Variants in TRPC5 observed in about 807,000 individuals in gnomAD.
TRPC5 encodes the protein short transient receptor potential channel 5.
In TRPC5, 9 loss-of-function variants were observed where a neutral mutation model predicts 56.5. The ratio of observed to expected loss-of-function variants is 0.16; its 90% CI spans 0.10 to 0.28. TRPC5 has a LOEUF of 0.28. Ranked by LOEUF, TRPC5 falls within the 10% of genes least tolerant of loss-of-function variation. The pLI, the probability that TRPC5 is intolerant of heterozygous loss-of-function variation, is 1.00. For synonymous variants in TRPC5, 282 were observed against 278.5 expected (o/e 1.01, Z -0.13); for missense variants, 469 against 748.9 (o/e 0.63, Z 4.36).
chrX:111,806,310 C>T (rs1000625997), intron 7 of TRPC5, among the ~76,000 whole-genome samples: 2 of 112,309 alleles, frequency 1.8e-5, no homozygotes, highest in African/African-American at 3.2e-5. Flanking sequence ...GGCTCAAGAT[C>T]TCTTACAAGG....
chrX:112,073,921 T>A (rs897936935), intron 1 of TRPC5, among the ~76,000 whole-genome samples: 1 of 111,979 alleles, frequency 8.9e-6, no homozygotes, highest in Non-Finnish European at 1.9e-5. Flanking sequence ...TTATTGTTTC[T>A]TTACAGTGTA....
rs763810389 is a variant in TRPC5 at position 111,792,427 on chromosome X, C to T, written c.1897-10289G>A. ...CCATGGCACATGTTTACCTATGTAACAAACCTGCACATTCTGTGCATGTAT... is the reference window on the plus strand; with the variant it reads ...CCATGGCACATGTTTACCTATGTAATAAACCTGCACATTCTGTGCATGTAT... On this transcript the variant is annotated intron_variant, in intron 7 of 10. Coordinates refer to ENST00000262839, the MANE Select transcript of TRPC5 (RefSeq NM_012471.3). 1.8e-4 allele frequency among the ~76,000 whole-genome samples: 20 copies of T among 111,554 alleles called. No homozygotes were observed. In the East Asian group the frequency reaches 5.7e-3, roughly 32 times the overall value.
At chrX:111,792,251 G>C (rs1219025881) in intron 7 of TRPC5, among the ~76,000 whole-genome samples, 1 of 110,622 alleles carries the variant, frequency 9.0e-6, no homozygotes, top group African/African-American at 3.3e-5. Context: ...AGTGGGAGTT[G>C]AACAATGAGA....
chrX:111,980,314 A>G (rs1199098486), intron 1 of TRPC5, among the ~76,000 whole-genome samples: 2 of 111,439 alleles, frequency 1.8e-5, no homozygotes, highest in Non-Finnish European at 3.8e-5. Context: ...TTGCCTGTGG[A>G]TGATGGGGAT....
intron 1 of TRPC5, among the ~76,000 whole-genome samples, chrX:112,005,702 G>A (rs1342289587): frequency 2.7e-5 from 3 of 111,048 alleles, no homozygotes; most frequent in Non-Finnish European, 5.7e-5. Flanking sequence ...CACAGCTGGG[G>A]TGTGGCAAAG....
chrX:112,052,982 A>G (rs1698375260), intron 1 of TRPC5, among the ~76,000 whole-genome samples: 1 of 111,931 alleles, frequency 8.9e-6, no homozygotes, highest in African/African-American at 3.3e-5. Flanking sequence ...TTTGTGTGCC[A>G]GGAAAACTTT....
rs1945964468 is a variant in TRPC5, at chrX:111,786,303, T to A, written c.1897-4165A>T. ...AGAATTTTCAACCCAGAATTTCATATCCACCCAAACTAAGCTTCATAAGTG... is the reference window on the plus strand; with the variant it reads ...AGAATTTTCAACCCAGAATTTCATAACCACCCAAACTAAGCTTCATAAGTG... On this transcript the variant is annotated intron_variant, in intron 7 of 10. Transcript: ENST00000262839. Among the ~76,000 whole-genome samples, 3 of 111,192 alleles carry A rather than the reference T, an allele frequency of 2.7e-5. No individual in the cohort carries two copies. In the South Asian group the frequency reaches 1.1e-3, roughly 42 times the overall value.
chrX:111,861,780 G>T (rs1801501122), intron 3 of TRPC5, among the ~76,000 whole-genome samples: 1 of 111,388 alleles, frequency 9.0e-6, no homozygotes, highest in Non-Finnish European at 1.9e-5. Flanking sequence ...GTTTAGTTGA[G>T]CAATACTCTT....
At chrX:111,985,020 C>T (rs1471942087) in intron 1 of TRPC5, among the ~76,000 whole-genome samples, 1 of 112,240 alleles carries the variant, frequency 8.9e-6, no homozygotes, top group Non-Finnish European at 1.9e-5. Context: ...GCCAAATGGG[C>T]AAGCTGAAAG....
chrX:112,058,216 C>T (rs758602947), intron 1 of TRPC5, among the ~76,000 whole-genome samples: 12 of 112,221 alleles, frequency 1.1e-4, no homozygotes, highest in African/African-American at 3.9e-4. Context: ...TCAGAGCAGA[C>T]TTACCCTGAC....
chrX:111,770,194 T>A lies in TRPC5; in HGVS notation c.*6119A>T, dbSNP rs764336720. 3.6e-5 allele frequency among the ~76,000 whole-genome samples: 4 copies of A among 112,143 alleles called. No individual in the cohort carries two copies. In the East Asian group the frequency reaches 1.1e-3, roughly 31 times the overall value. ...ATAGTGCCCTTCCTTACCTTTCATT[T>A]CTCTTTCATGTTGTTTTGACAAACC... On this transcript the variant is annotated 3_prime_UTR_variant, in exon 11 of 11. Coordinates refer to ENST00000262839, the MANE Select transcript of TRPC5 (RefSeq NM_012471.3).
intron 1 of TRPC5, among the ~76,000 whole-genome samples, chrX:111,953,997 A>G (rs1449988832): frequency 1.8e-5 from 2 of 111,855 alleles, no homozygotes; most frequent in Non-Finnish European, 1.9e-5. Context: ...CTCTCTCCAC[A>G]TCTAAATCCC....
rs748591312 is a variant in TRPC5, at chrX:111,905,244, C to G, written c.900+7047G>C. On this transcript the variant is annotated intron_variant, in intron 3 of 10. Coordinates refer to ENST00000262839, the MANE Select transcript of TRPC5 (RefSeq NM_012471.3). The stretch of plus-strand genomic sequence containing the variant: ...ATAGACTAGATGTACTTAGTGATAC[C>G]TCTTGGGAATACTGCTTATATTTTT... 4.6e-5 allele frequency among the ~76,000 whole-genome samples: 5 copies of G among 109,828 alleles called. No individual in the cohort carries two copies. The South Asian group carries it at 1.2e-3, about 26-fold the overall frequency.
intron 2 of TRPC5, among the ~76,000 whole-genome samples, chrX:111,939,738 G>A (rs995427903): frequency 1.8e-5 from 2 of 111,666 alleles, no homozygotes; most frequent in African/African-American, 6.5e-5. Context: ...GGCATCAGTT[G>A]TAGTTTCTCA....
intron 7 of TRPC5, among the ~76,000 whole-genome samples, chrX:111,807,956 C>CTCTCTG (rs905386723): frequency 1.8e-4 from 17 of 91,927 alleles, no homozygotes; most frequent in Admixed American, 8.0e-4. Flanking sequence ...CTCTCTCTCT[C>CTCTCTG]TGTGTGTGTG....
At chrX:112,002,549 C>T (rs1209741802) in intron 1 of TRPC5, among the ~76,000 whole-genome samples, 2 of 111,924 alleles carry the variant, frequency 1.8e-5, no homozygotes, top group African/African-American at 6.5e-5. Flanking sequence ...ATTAAACATA[C>T]AAACAAACCA....
intron 6 of TRPC5, among the ~76,000 whole-genome samples, chrX:111,837,358 C>T (rs1758939428): frequency 9.0e-6 from 1 of 111,535 alleles, no homozygotes; most frequent in South Asian, 3.8e-4. Context: ...CTATTAGATA[C>T]CAGAAATCAG....
At chrX:112,042,885 C>T (rs187982205) in intron 1 of TRPC5, among the ~76,000 whole-genome samples, 2 of 110,918 alleles carry the variant, frequency 1.8e-5, no homozygotes, top group East Asian at 5.7e-4. Context: ...GGTTCATTCT[C>T]AACCCCCTGC....
intron 10 of TRPC5, among the ~76,000 whole-genome samples, chrX:111,777,418 A>G (rs1204211053): frequency 9.0e-6 from 1 of 110,646 alleles, no homozygotes; most frequent in Non-Finnish European, 1.9e-5. Flanking sequence ...ATGTCAGGTG[A>G]TGAGACTGCT....
Sources: allele counts gnomAD v4.1 joint callset (sites outside exome capture counted in the v4.1 genomes callset), GRCh38; gene constraint gnomAD v4.1.1; transcripts MANE v1.5; gene names NCBI Gene and HGNC (gene_info 2026-07-23, HGNC 2026-07-21).